Variants in KCND2 observed in about 807,000 individuals in gnomAD.
KCND2 encodes the protein potassium voltage-gated channel subfamily D member 2.
Under a neutral mutation model 54.4 loss-of-function variants are expected in KCND2, and 16 were observed. The ratio of observed to expected loss-of-function variants is 0.29; its 90% CI spans 0.20 to 0.45. The LOEUF is 0.45. Ranked by LOEUF, KCND2 falls within the 20% of genes least tolerant of loss-of-function variation. The probability of loss-of-function intolerance (pLI) is 1.00; values close to 1 mark genes in which losing one functional copy is unlikely to be tolerated. For synonymous variants in KCND2, 317 were observed against 310.7 expected, an observed-to-expected ratio of 1.02 and a Z score of -0.21; for missense variants, 486 against 824.2, an observed-to-expected ratio of 0.59 and a Z score of 5.02.
intron 1 of KCND2, among the ~76,000 whole-genome samples, chr7:120,289,741 A>G (rs1375386312): frequency 2.0e-5 from 3 of 152,024 alleles, no homozygotes; most frequent in Non-Finnish European, 4.4e-5. Flanking sequence ...CAAGTACCAC[A>G]CACACCATGC....
chr7:120,390,612 A>G (rs879561491), intron 1 of KCND2, among the ~76,000 whole-genome samples: 2 of 151,996 alleles, frequency 1.3e-5, no homozygotes, highest in Non-Finnish European at 2.9e-5. Context: ...AAGTTATGTT[A>G]AAGCATTTCA....
chr7:120,675,462 CT>C (rs1005634636), intron 1 of KCND2, among the ~76,000 whole-genome samples: 3 of 151,830 alleles, frequency 2.0e-5, no homozygotes, highest in African/African-American at 7.3e-5. Context: ...TGGTCTCAAA[CT>C]CCTGGCCTCA....
chr7:120,593,555 A>C (rs971049942), intron 1 of KCND2, among the ~76,000 whole-genome samples: 12 of 152,190 alleles, frequency 7.9e-5, no homozygotes, highest in African/African-American at 2.9e-4. Flanking sequence ...GCTAATAGAC[A>C]GGTAAGAAAA....
intron 1 of KCND2, among the ~76,000 whole-genome samples, chr7:120,488,840 A>G (rs1051648725): frequency 2.0e-5 from 3 of 152,054 alleles, no homozygotes; most frequent in Admixed American, 6.6e-5. Flanking sequence ...ATTATGACTT[A>G]ATTTGGGCTT....
intron 1 of KCND2, among the ~76,000 whole-genome samples, chr7:120,354,555 A>G (rs955048802): frequency 6.6e-6 from 1 of 152,218 alleles, no homozygotes; most frequent in Non-Finnish European, 1.5e-5. Flanking sequence ...AAAATTTGGT[A>G]TGCTGTCAAA....
intron 1 of KCND2, among the ~76,000 whole-genome samples, chr7:120,660,720 G>A (rs575456827): frequency 6.6e-6 from 1 of 152,292 alleles, no homozygotes; most frequent in South Asian, 2.1e-4. Flanking sequence ...ATTATAGCAT[G>A]CTGTATAGTT....
chr7:120,346,546 A>G (rs1800319731), intron 1 of KCND2, among the ~76,000 whole-genome samples: 1 of 152,194 alleles, frequency 6.6e-6, no homozygotes, highest in Non-Finnish European at 1.5e-5. Flanking sequence ...CATAATAAAA[A>G]CAAAGACATT....
At chr7:120,572,038 A>G (rs1792372180) in intron 1 of KCND2, among the ~76,000 whole-genome samples, 1 of 152,174 alleles carries the variant, frequency 6.6e-6, no homozygotes, top group Non-Finnish European at 1.5e-5. Flanking sequence ...CTTTATTAGC[A>G]TTGTGTATCT....
chr7:120,306,383 TGTG>T (rs969044580), intron 1 of KCND2, among the ~76,000 whole-genome samples: 1 of 152,142 alleles, frequency 6.6e-6, no homozygotes, highest in African/African-American at 2.4e-5. Context: ...TTGAGCTCCT[TGTG>T]GTACTTTGTT....
intron 1 of KCND2, among the ~76,000 whole-genome samples, chr7:120,490,722 T>C (rs1202362141): frequency 2.0e-5 from 3 of 152,114 alleles, no homozygotes; most frequent in East Asian, 1.9e-4. Context: ...CCCTAGGAGA[T>C]TGCAAACGTG....
rs145760840 is a variant in KCND2, at chr7:120,366,928, C to G, written c.1115+91181C>G. ...CTTATCTATCCATTCCTTTCTTCCT[C>G]CCTCCCTTTCTCCCTTCTTTACTTC... is the stretch of plus-strand genomic sequence containing the variant. On this transcript the variant is annotated intron_variant, in intron 1 of 5. Transcript: ENST00000331113. 6.4e-4 allele frequency among the ~76,000 whole-genome samples: 97 copies of G among 152,212 alleles called. 3 individuals carry two copies. The highest frequency in any genetic ancestry group is 2.1e-3 in the African/African-American group (86 of 41,540).
At chr7:120,395,945 G>A (rs976137443) in intron 1 of KCND2, among the ~76,000 whole-genome samples, 1 of 152,000 alleles carries the variant, frequency 6.6e-6, no homozygotes, top group Admixed American at 6.6e-5. Flanking sequence ...TCGTCCTCAT[G>A]CAAGTAAACT....
chr7:120,681,060 A>G (rs1313406002), intron 1 of KCND2, among the ~76,000 whole-genome samples: 2 of 152,268 alleles, frequency 1.3e-5, no homozygotes, highest in African/African-American at 4.8e-5. Flanking sequence ...CATAATTTGA[A>G]CAATTTATTC....
chr7:120,696,300 G>A (rs1384501282), intron 1 of KCND2, among the ~76,000 whole-genome samples: 1 of 152,126 alleles, frequency 6.6e-6, no homozygotes, highest in African/African-American at 2.4e-5. Context: ...TGATCTGAAG[G>A]CTAAATGAGC....
chr7:120,453,792 A>T (rs1232027175), intron 1 of KCND2, among the ~76,000 whole-genome samples: 1 of 152,220 alleles, frequency 6.6e-6, no homozygotes, highest in African/African-American at 2.4e-5. Flanking sequence ...CTCATATCAA[A>T]AAGTTAAAAA....
chr7:120,549,086 G>A (rs1032179251), intron 1 of KCND2, among the ~76,000 whole-genome samples: 3 of 151,986 alleles, frequency 2.0e-5, no homozygotes, highest in African/African-American at 7.2e-5. Context: ...GAGTGAAACT[G>A]ACCCCACATC....
At chr7:120,674,235 AG>A (rs148571217) in intron 1 of KCND2, among the ~76,000 whole-genome samples, 5,202 of 152,162 alleles carry the variant, frequency 0.034, 212 homozygotes, top group African/African-American at 0.1. Flanking sequence ...CTCCTACAAA[AG>A]TAAACACAGA....
chr7:120,388,928 T>C (rs1801032110), intron 1 of KCND2, among the ~76,000 whole-genome samples: 1 of 150,508 alleles, frequency 6.6e-6, no homozygotes, highest in Admixed American at 6.7e-5. Flanking sequence ...ATACATATAG[T>C]AAACTGGTAG....
At chr7:120,347,075 C>T (rs1800330209) in intron 1 of KCND2, among the ~76,000 whole-genome samples, 1 of 151,846 alleles carries the variant, frequency 6.6e-6, no homozygotes, top group Non-Finnish European at 1.5e-5. Context: ...ATATGAGCAA[C>T]ATTTACCTTA....
Sources: gnomAD v4.1 joint callset for allele counts (sites outside exome capture counted in the v4.1 genomes callset) on GRCh38, gnomAD v4.1.1 for gene constraint, MANE v1.5 for transcripts, NCBI Gene and HGNC (gene_info 2026-07-23, HGNC 2026-07-21) for gene names.